The following VEPH1 variants were observed in gnomAD, a reference collection of about 807,000 sequenced individuals.
VEPH1 encodes the protein ventricular zone-expressed PH domain-containing protein homolog 1.
A neutral mutation model predicts 85.2 loss-of-function variants in VEPH1; 80 were observed. The observed-to-expected ratio is 0.94, with a 90% CI of 0.78 to 1.13. The LOEUF (loss-of-function observed/expected upper bound fraction) is 1.13, where lower values mean the gene tolerates loss of function less well. Ranked by LOEUF, VEPH1 falls within the 50% of genes most tolerant of loss-of-function variation. VEPH1 has a pLI of 0.00. For synonymous variants in VEPH1, 297 were observed against 348.0 expected, an observed-to-expected ratio of 0.85 and a Z score of 1.63; for missense variants, 955 against 980.5, an observed-to-expected ratio of 0.97 and a Z score of 0.35.
At chr3:157,394,011 A>C (rs1730131705) in intron 6 of VEPH1, among the ~76,000 whole-genome samples, 1 of 152,112 alleles carries the variant, frequency 6.6e-6, no homozygotes, top group Non-Finnish European at 1.5e-5. Flanking sequence ...AGCTACTAAA[A>C]CCCTGCTAGC....
intron 1 of VEPH1, among the ~76,000 whole-genome samples, chr3:157,500,642 CT>C (rs920101271): frequency 9.2e-5 from 14 of 152,158 alleles, no homozygotes; most frequent in Non-Finnish European, 1.5e-4. Context: ...GAAGTTTCGT[CT>C]TTTAATGGAA....
chr3:157,312,900 A>ATTTTTTTTTTT (rs140277345), intron 11 of VEPH1, among the ~76,000 whole-genome samples: 3 of 98,102 alleles, frequency 3.1e-5, no homozygotes, highest in African/African-American at 4.2e-5. Context: ...AAAAAAAAAC[A>ATTTTTTTTTTT]TTTTTTTTTT....
At chr3:157,386,238 A>C (rs927172190) in intron 6 of VEPH1, among the ~76,000 whole-genome samples, 1 of 110,368 alleles carries the variant, frequency 9.1e-6, no homozygotes, top group East Asian at 3.0e-4. Context: ...ACTTCAAGTA[A>C]AAATGGTTCC....
chr3:157,372,126 A>T (rs908126600), intron 7 of VEPH1, among the ~76,000 whole-genome samples: 10 of 152,234 alleles, frequency 6.6e-5, no homozygotes, highest in African/African-American at 2.4e-4. Flanking sequence ...GGGTCTGGCC[A>T]TGAGGATTAA....
rs560491733 is a variant in VEPH1 at position 157,317,038 on chromosome 3, C to G, written c.1875+24G>C. On this transcript the variant is annotated intron_variant, in intron 10 of 13. Transcript: ENST00000362010. Reference sequence around the variant, plus strand: ...ATATCCCAGAAGCTCATTAAAGAGCCTGATGAACACAAATTATACAAACCT... The same window carrying G: ...ATATCCCAGAAGCTCATTAAAGAGCGTGATGAACACAAATTATACAAACCT... The G allele has an allele frequency of 5.3e-5, 84 of 1,599,786 alleles. 1 individual carries two copies. In the East Asian group the frequency reaches 1.2e-3, roughly 22 times the overall value.
intron 11 of VEPH1, among the ~76,000 whole-genome samples, chr3:157,299,921 A>C (rs1292451210): frequency 6.6e-6 from 1 of 152,130 alleles, no homozygotes; most frequent in Admixed American, 6.5e-5. Context: ...TGCTCCATGG[A>C]CTTTACATGT....
chr3:157,408,799 C>T (rs1731324687), intron 6 of VEPH1, among the ~76,000 whole-genome samples: 2 of 152,070 alleles, frequency 1.3e-5, no homozygotes, highest in Admixed American at 6.6e-5. Flanking sequence ...GTGAAGGTCT[C>T]AACGTATGTC....
intron 4 of VEPH1, among the ~76,000 whole-genome samples, chr3:157,440,422 C>T (rs1734027454): frequency 6.6e-6 from 1 of 152,156 alleles, no homozygotes; most frequent in Non-Finnish European, 1.5e-5. Context: ...TAGTTTACCA[C>T]ACTTTTACAT....
chr3:157,341,955 CTTTACAGACAAGCAAATGCTGAGAGA>C (rs1442575247), intron 9 of VEPH1, among the ~76,000 whole-genome samples: 1 of 152,104 alleles, frequency 6.6e-6, no homozygotes, highest in Non-Finnish European at 1.5e-5. Context: ...AAATAAAATC[CTTTACAGACAAGCAAATGCTGAGAGA>C]TTTTGTCACC....
chr3:157,377,392 C>T (rs184190651), intron 7 of VEPH1, among the ~76,000 whole-genome samples: 1 of 151,610 alleles, frequency 6.6e-6, no homozygotes, highest in East Asian at 1.9e-4. Flanking sequence ...CATAGTGGGA[C>T]CTTATTTTTT....
At chr3:157,371,197 C>T (rs1280017337) in intron 7 of VEPH1, among the ~76,000 whole-genome samples, 1 of 152,166 alleles carries the variant, frequency 6.6e-6, no homozygotes, top group Non-Finnish European at 1.5e-5. Flanking sequence ...ACAGTGCGTA[C>T]TAAAAGAGAG....
At chr3:157,271,317 G>A (rs1714520974) in intron 12 of VEPH1, among the ~76,000 whole-genome samples, 1 of 152,180 alleles carries the variant, frequency 6.6e-6, no homozygotes, top group African/African-American at 2.4e-5. Flanking sequence ...GGCCCCAGAT[G>A]GGATCAATGA....
rs112308650 is a variant in VEPH1, at chr3:157,362,329, C to T, written c.1735+1035G>A. Among the ~76,000 whole-genome samples the T allele has an allele frequency of 9.3e-4, 142 of 152,318 alleles. 1 individual carries two copies. The highest frequency in any genetic ancestry group is 3.2e-3 in the African/African-American group (133 of 41,578). On this transcript the variant is annotated intron_variant, in intron 9 of 13. Transcript: ENST00000362010. ...TACAGGCATGAGCCACTGCGCCCAG[C>T]CTTTACTGAGTTTTATTGGTGCCAC...
chr3:157,416,856 G>C (rs550677842), intron 5 of VEPH1, among the ~76,000 whole-genome samples: 1 of 148,408 alleles, frequency 6.7e-6, no homozygotes, highest in Non-Finnish European at 1.5e-5. Context: ...AAGAAAGAGA[G>C]AAAGAGAAAG....
intron 6 of VEPH1, among the ~76,000 whole-genome samples, chr3:157,392,167 A>G (rs896018233): frequency 6.6e-6 from 1 of 152,236 alleles, no homozygotes; most frequent in Non-Finnish European, 1.5e-5. Context: ...ACCACACAAT[A>G]GAAACAACAA....
rs998193194 is a variant in VEPH1 at position 157,406,342 on chromosome 3, G to A, written c.906+7539C>T. ...TAGTCTTGATTTGTAATTTAAAGGTGTAAATCATCCACCCAGCTCCCATTT... is the reference window on the plus strand; with the variant it reads ...TAGTCTTGATTTGTAATTTAAAGGTATAAATCATCCACCCAGCTCCCATTT... On this transcript the variant is annotated intron_variant, in intron 6 of 13. Coordinates refer to ENST00000362010, the MANE Select transcript of VEPH1 (RefSeq NM_001167912.2). 3.9e-5 allele frequency among the ~76,000 whole-genome samples: 6 copies of A among 152,126 alleles called. No individual in the cohort carries two copies. The East Asian group carries it at 7.7e-4, about 20-fold the overall frequency.
intron 9 of VEPH1, among the ~76,000 whole-genome samples, chr3:157,318,383 G>A (rs1374228186): frequency 1.3e-5 from 2 of 152,082 alleles, no homozygotes; most frequent in African/African-American, 2.4e-5. Context: ...CAAGGTGGGC[G>A]GATTGCCTCA....
intron 7 of VEPH1, among the ~76,000 whole-genome samples, chr3:157,366,537 C>G (rs537985998): frequency 4.1e-3 from 622 of 152,152 alleles, no homozygotes; most frequent in South Asian, 0.016. Context: ...GAGTTTGAGA[C>G]CAGCCTGCTC....
chr3:157,485,451 TATC>T (rs1239876366), intron 2 of VEPH1, among the ~76,000 whole-genome samples: 5 of 152,136 alleles, frequency 3.3e-5, no homozygotes, highest in African/African-American at 7.2e-5. Flanking sequence ...ATTGATGAAA[TATC>T]ATCAGTATGT....
Sources: allele counts gnomAD v4.1 joint callset (sites outside exome capture counted in the v4.1 genomes callset), GRCh38; gene constraint gnomAD v4.1.1; transcripts MANE v1.5; gene names NCBI Gene and HGNC (gene_info 2026-07-23, HGNC 2026-07-21).